TLDC2: variants seen among roughly 807,000 people sequenced by gnomAD.
TLDC2 encodes TBC/LysM-associated domain containing 2.
In TLDC2, 23 loss-of-function variants were observed where a neutral mutation model predicts 27.9. That is an observed-to-expected ratio of 0.82 (90% CI 0.59 to 1.17). The LOEUF (loss-of-function observed/expected upper bound fraction) is 1.17. TLDC2 is among the 50% of genes most tolerant of loss of function. The pLI is 0.00. For synonymous variants in TLDC2, 124 were observed against 107.4 expected, an observed-to-expected ratio of 1.16 and a Z score of -0.96; for missense variants, 286 against 273.4, an observed-to-expected ratio of 1.05 and a Z score of -0.32.
Position 36,894,152 on chromosome 20 carries a change from G to GGA in TLDC2, c.*1308_*1309insGA. On this transcript the variant is annotated 3_prime_UTR_variant, in exon 7 of 7. Transcript: ENST00000217320. ...CTCATTTAGCTCTGCCAAAACTTTT[G>GGA]TATCTCACCCCCATGTTAAATTTTT... 2.6e-6 allele frequency: 1 copy of GGA among 391,990 alleles called. No individual in the cohort carries two copies. 24.3% of individuals were successfully genotyped at this position (391,990 alleles called of 1,614,324 possible).
At chr20:36,876,681 TCAAA>T (rs1276684711) in intron 1 of TLDC2, among the ~76,000 whole-genome samples, 3 of 150,960 alleles carry the variant, frequency 2.0e-5, no homozygotes, top group African/African-American at 4.9e-5. Context: ...ACTCACACAC[TCAAA>T]CACACTCAAA....
chr20:36,887,520 C>T lies in TLDC2; in HGVS notation c.504C>T (p.Gly168=). 1.2e-6 allele frequency: 2 copies of T among 1,614,034 alleles called. No individual in the cohort carries two copies. Among genetic ancestry groups the T allele is most frequent in the Non-Finnish European group, 1.7e-6 (2 of 1,179,886 alleles). The part of the protein sequence containing the change: ...VKGDLDSLMM[G]SGSGRFGLWL... ...GAGACTTGGATTCACTGATGATGGG[C>T]AGTGGCAGGTGAGTGTCTCAGTCTT... Residue 168 remains glycine, a synonymous_variant, in exon 5 of 7, where the codon GGC becomes GGT. Coordinates refer to ENST00000217320, the MANE Select transcript of TLDC2 (RefSeq NM_080628.3).
At chr20:36,883,760 TCCA>T (rs1483550343) in intron 4 of TLDC2, among the ~76,000 whole-genome samples, 2 of 152,136 alleles carry the variant, frequency 1.3e-5, no homozygotes, top group Non-Finnish European at 2.9e-5. Context: ...TCTCACTGCC[TCCA>T]CTTCAGTCAG....
intron 5 of TLDC2, 35 bp downstream of exon 5, chr20:36,887,563 T>C: frequency 6.3e-7 from 1 of 1,593,736 alleles, no homozygotes; most frequent in Non-Finnish European, 8.6e-7. Context: ...CTTGGGGCGG[T>C]CTGTGTTCTG....
chr20:36,888,698 T>C (rs1601103134), intron 5 of TLDC2, among the ~76,000 whole-genome samples: 3 of 73,494 alleles, frequency 4.1e-5, no homozygotes, highest in Admixed American at 2.0e-4. Context: ...AGAGCAAGAC[T>C]CCTATCAAAA....
intron 3 of TLDC2, among the ~76,000 whole-genome samples, chr20:36,880,314 G>A (rs964133588): frequency 1.3e-5 from 2 of 151,626 alleles, no homozygotes; most frequent in Admixed American, 6.6e-5. Flanking sequence ...GATTGGTCTT[G>A]AACTCCTGAC....
chr20:36,877,840 A>T (rs1032538240), intron 1 of TLDC2, 59 bp from the exon 2 acceptor site: 1 of 1,552,388 alleles, frequency 6.4e-7, no homozygotes, highest in East Asian at 2.3e-5. Context: ...GGCTCAGGAG[A>T]TGGTAGAAGC....
chr20:36,881,334 C>T (rs1050989396), intron 4 of TLDC2, among the ~76,000 whole-genome samples: 14 of 151,146 alleles, frequency 9.3e-5, no homozygotes, highest in African/African-American at 3.4e-4. Context: ...GAGCCATGAT[C>T]GCACCACTGC....
At chr20:36,884,875 CTTTTTTTT>C (rs11480944) in intron 4 of TLDC2, among the ~76,000 whole-genome samples, 1 of 103,228 alleles carries the variant, frequency 9.7e-6, no homozygotes, top group African/African-American at 3.8e-5. Flanking sequence ...CACAGAAATT[CTTTTTTTT>C]TTTTTTTTTT....
intron 5 of TLDC2, among the ~76,000 whole-genome samples, chr20:36,888,236 ATTTTG>A (rs1367594919): frequency 2.0e-5 from 3 of 151,700 alleles, no homozygotes; most frequent in Non-Finnish European, 4.4e-5. Context: ...AAGAATTGCC[ATTTTG>A]TTTTTTTTGA....
chr20:36,882,569 T>C (rs575700453), intron 4 of TLDC2, among the ~76,000 whole-genome samples: 25 of 152,276 alleles, frequency 1.6e-4, no homozygotes, highest in Admixed American at 5.2e-4. Flanking sequence ...GATGAAGTCG[T>C]TCCAGGTATT....
Position 36,879,212 on chromosome 20 carries a change from C to T in TLDC2, c.342+19C>T. 1 of 1,605,038 alleles carries T rather than the reference C, an allele frequency of 6.2e-7. No individual in the cohort carries two copies. Among genetic ancestry groups the T allele is most frequent in the Non-Finnish European group, 8.5e-7 (1 of 1,176,408 alleles). On this transcript the variant is annotated intron_variant, in intron 3 of 6. Coordinates refer to ENST00000217320, the MANE Select transcript of TLDC2 (RefSeq NM_080628.3). ...CGGGCAGGTGAGCTGGGCAGGGGCA[C>T]CACCCGAGGCTCTGGGGGCACCCCA...
chr20:36,890,807 C>G (rs1340213965), intron 6 of TLDC2: 4 of 152,078 alleles, frequency 2.6e-5, no homozygotes, highest in African/African-American at 9.7e-5. Flanking sequence ...AATAGCACAG[C>G]GTTCTCATAA....
chr20:36,894,155 T>A lies in TLDC2; in HGVS notation c.*1311T>A. On this transcript the variant is annotated 3_prime_UTR_variant, in exon 7 of 7. Transcript: ENST00000217320. The stretch of plus-strand genomic sequence containing the variant: ...ATTTAGCTCTGCCAAAACTTTTGTA[T>A]CTCACCCCCATGTTAAATTTTTTCT... 1 of 391,816 alleles carries A rather than the reference T, an allele frequency of 2.6e-6. No homozygotes were observed. The highest frequency in any genetic ancestry group is 3.6e-5 in the East Asian group (1 of 27,472). The allele number at this position is 391,816 out of a possible 1,614,324, so 24.3% of individuals were successfully genotyped here.
rs558545828 is a variant in TLDC2, at chr20:36,886,197, T to C, written c.439-1258T>C. Among the ~76,000 whole-genome samples the C allele has an allele frequency of 7.2e-4, 109 of 152,326 alleles. 1 individual carries two copies. Among genetic ancestry groups the C allele is most frequent in the African/African-American group, 2.5e-3 (106 of 41,576 alleles). On this transcript the variant is annotated intron_variant, in intron 4 of 6. Transcript: ENST00000217320. Reference sequence around the variant, plus strand: ...ACGCTAGAGTGCAGTGGTGCGATCATAGCTCACTGCAGCCTCCACTCCTGG... The same window carrying C: ...ACGCTAGAGTGCAGTGGTGCGATCACAGCTCACTGCAGCCTCCACTCCTGG...
At chr20:36,889,171 A>C in intron 5 of TLDC2, 80 bp from the exon 6 acceptor site, 1 of 1,568,706 alleles carries the variant, frequency 6.4e-7, no homozygotes, top group Non-Finnish European at 8.7e-7. Flanking sequence ...TGGCATGGCC[A>C]AGAGCTGATG....
intron 4 of TLDC2, among the ~76,000 whole-genome samples, chr20:36,881,855 T>C (rs912014352): frequency 6.6e-6 from 1 of 152,078 alleles, no homozygotes; most frequent in African/African-American, 2.4e-5. Flanking sequence ...CAGGATACAG[T>C]GGACAGAGAG....
chr20:36,886,309 T>C (rs750836391), intron 4 of TLDC2, among the ~76,000 whole-genome samples: 1 of 152,060 alleles, frequency 6.6e-6, no homozygotes, highest in Non-Finnish European at 1.5e-5. Context: ...AAAAATTTGT[T>C]TTAGGGCCGG....
At chr20:36,879,978 G>A (rs933145115) in intron 3 of TLDC2, among the ~76,000 whole-genome samples, 1 of 149,942 alleles carries the variant, frequency 6.7e-6, no homozygotes, top group South Asian at 2.1e-4. Flanking sequence ...GGGGAAGAAG[G>A]AGGGGGATTA....
Sources: allele counts gnomAD v4.1 joint callset (sites outside exome capture counted in the v4.1 genomes callset), GRCh38; gene constraint gnomAD v4.1.1; transcripts MANE v1.5; gene names NCBI Gene and HGNC (gene_info 2026-07-23, HGNC 2026-07-21).